SIGLEC14: variants seen among roughly 807,000 people sequenced by gnomAD.
SIGLEC14 encodes sialic acid-binding Ig-like lectin 14.
Under a neutral mutation model 34.2 loss-of-function variants are expected in SIGLEC14, and 11 were observed. That is an observed-to-expected ratio of 0.32 (90% CI 0.20 to 0.53). The LOEUF is 0.53. SIGLEC14 is among the 20% of genes least tolerant of loss of function. The pLI, the probability that SIGLEC14 is intolerant of heterozygous loss-of-function variation, is 0.95. For synonymous variants in SIGLEC14, 99 were observed against 179.7 expected (o/e 0.55, Z 3.59); for missense variants, 264 against 439.0 (o/e 0.60, Z 3.56).
At position 51,640,155 on chromosome 19, in the gene SIGLEC14, G is replaced by A. The variant is rs187111684; in HGVS notation, c.*3200C>T. ...TTTATTATGAAGGAGTAAGCTCCTA[G>A]CAGAGTGAACTCACCACAACACAAC... On this transcript the variant is annotated 3_prime_UTR_variant, in exon 7 of 7. Coordinates refer to ENST00000360844, the MANE Select transcript of SIGLEC14 (RefSeq NM_001098612.3). Among the ~76,000 whole-genome samples the A allele has an allele frequency of 7.2e-6, 1 of 139,446 alleles. No individual in the cohort carries two copies. The highest frequency in any genetic ancestry group is 2.7e-5 in the African/African-American group (1 of 36,772). The allele number at this position is 139,446 out of a possible 152,430, so 91.5% of individuals were successfully genotyped here. A position where few individuals can be genotyped will look rare whatever the true frequency, so the allele number is the denominator to read the frequency against.
At chr19:51,645,056 A>C (rs1984002208) in intron 4 of SIGLEC14, among the ~76,000 whole-genome samples, 1 of 138,042 alleles carries the variant, frequency 7.2e-6, no homozygotes, top group Admixed American at 7.0e-5. Context: ...GAGACAGAAA[A>C]GTAGAATGGT....
At chr19:51,643,483 G>GGGGGGGCCCCCCCCCC in intron 6 of SIGLEC14, 54 bp downstream of exon 6, 2 of 1,297,882 alleles carry the variant, frequency 1.5e-6, no homozygotes, top group Non-Finnish European at 2.0e-6. Flanking sequence ...GGGCAGGACA[G>GGGGGGGCCCCCCCCCC]CTCAGCCCCA....
Position 51,640,017 on chromosome 19 carries a change from C to T in SIGLEC14, c.*3338G>A, listed in dbSNP as rs544991351. 1 of 139,372 alleles carries T rather than the reference C, an allele frequency of 7.2e-6. No homozygotes were observed. The highest frequency in any genetic ancestry group is 6.9e-5 in the Admixed American group (1 of 14,454). 8.6% of individuals were successfully genotyped at this position (139,372 alleles called of 1,614,324 possible). On this transcript the variant is annotated 3_prime_UTR_variant, in exon 7 of 7. Transcript: ENST00000360844. ...GATGACTGAATTGTCATGAGAAACTCACCCGCCCTCCAAAGTGGAATGACA... is the reference window on the plus strand; with the variant it reads ...GATGACTGAATTGTCATGAGAAACTTACCCGCCCTCCAAAGTGGAATGACA...
At position 51,643,264 on chromosome 19, in the gene SIGLEC14, G is replaced by A; in HGVS notation, c.*91C>T. On this transcript the variant is annotated 3_prime_UTR_variant, in exon 7 of 7. Coordinates refer to ENST00000360844, the MANE Select transcript of SIGLEC14 (RefSeq NM_001098612.3). The stretch of plus-strand genomic sequence containing the variant: ...AAAAGAGGGGTAGTCAGTGGGATGT[G>A]AGCTTCCAGAAAGAAGCTGACAGTG... The A allele has an allele frequency of 8.2e-7, 1 of 1,226,948 alleles. No homozygotes were observed. The highest frequency in any genetic ancestry group is 1.1e-6 in the Non-Finnish European group (1 of 875,838). 76.0% of individuals were successfully genotyped at this position (1,226,948 alleles called of 1,614,324 possible). A position where few individuals can be genotyped will look rare whatever the true frequency, so the allele number is the denominator to read the frequency against.
chr19:51,643,882 G>A lies in SIGLEC14; in HGVS notation c.909C>T (p.Thr303=). 1 of 1,533,810 alleles carries A rather than the reference G, an allele frequency of 6.5e-7. No individual in the cohort carries two copies. ...LNPSQTSMSG[T]LELPNIGARE... ...TAGCTCCTATGTTAGGCAGCTCCAG[G>A]GTCCCAGACATTGAGGTCTGGGAAG... The change falls in exon 5 of 7, where the codon ACC becomes ACT. Residue 303 remains threonine, a synonymous_variant. Coordinates refer to ENST00000360844, the MANE Select transcript of SIGLEC14 (RefSeq NM_001098612.3).
In SIGLEC14 at chr19:51,646,301, A is replaced by G. The variant is rs1356590092; in HGVS notation, c.377T>C (p.Val126Ala). ...CTTATTCTGTTGGTAGCTATATTTT[A>G]CATCCCTTCCTCTCTCCACGCGGAA... ...YFFRVERGRDVKYSYQQNKLN... is the reference protein window; with the variant it reads ...YFFRVERGRDAKYSYQQNKLN... Residue 126 changes from valine to alanine, a missense_variant, in exon 2 of 7, where the codon GTA becomes GCA. Physicochemically the swap from Val to Ala is moderately conservative, Grantham distance 64 (BLOSUM62 0). Coordinates refer to ENST00000360844, the MANE Select transcript of SIGLEC14 (RefSeq NM_001098612.3). The G allele has an allele frequency of 7.1e-7, 1 of 1,402,530 alleles. No homozygotes were observed. The highest frequency in any genetic ancestry group is 9.4e-7 in the Non-Finnish European group (1 of 1,060,196). 86.9% of individuals were successfully genotyped at this position (1,402,530 alleles called of 1,614,324 possible).
At position 51,645,833 on chromosome 19, in the gene SIGLEC14, G is replaced by A. The variant is rs1984026637; in HGVS notation, c.649C>T (p.Arg217Cys). ...HGTNLTCQVK[R>C]QGAQVTTERT... ...TCCGTGGTCACCTGAGCTCCTTGGC[G>A]TTTCACCTGACAGGTGAGGTTGGTG... Residue 217 changes from arginine (R) to cysteine (C), a missense_variant, in exon 3 of 7, where the codon CGC (arginine) becomes TGC (cysteine). By Grantham distance (180) the Arg-to-Cys change is radical. This residue lies in a region of SIGLEC14 where 45 missense variants were observed against 96.7 expected (regional missense o/e 0.47). Coordinates refer to ENST00000360844, the MANE Select transcript of SIGLEC14 (RefSeq NM_001098612.3). 3 of 1,529,734 alleles carry A rather than the reference G, an allele frequency of 2.0e-6. No homozygotes were observed. The highest frequency in any genetic ancestry group is 2.6e-6 in the Non-Finnish European group (3 of 1,140,604). 94.8% of individuals were successfully genotyped at this position (1,529,734 alleles called of 1,614,324 possible).
intron 6 of SIGLEC14, 61 bp from the exon 7 acceptor site, chr19:51,643,458 G>T (rs1983954483): frequency 7.2e-7 from 1 of 1,387,326 alleles, no homozygotes; most frequent in Non-Finnish European, 9.4e-7. Context: ...TTCCAGGTGG[G>T]GCTGAGCTGT....
At chr19:51,645,591 G>A in intron 3 of SIGLEC14, 61 bp from the exon 4 acceptor site, 1 of 1,486,382 alleles carries the variant, frequency 6.7e-7, no homozygotes. Context: ...CGTGGTCCCG[G>A]GAGGGACCCA....
rs1983967282 is a variant in SIGLEC14 at position 51,643,853 on chromosome 19, T to A, written c.938A>T (p.Glu313Val). Residue 313 changes from glutamate to valine, a missense_variant, in exon 5 of 7, where the codon GAG (glutamate) becomes GTG (valine). Physicochemically the swap from Glu to Val is moderately radical, Grantham distance 121. Coordinates refer to ENST00000360844, the MANE Select transcript of SIGLEC14 (RefSeq NM_001098612.3). ...AACCCGGCAGGTGAATTCCCCTCCC[T>A]CTCTAGCTCCTATGTTAGGCAGCTC... ...TLELPNIGAR[E>V]GGEFTCRVQH... 1.3e-6 allele frequency: 2 copies of A among 1,532,306 alleles called. No homozygotes were observed. The highest frequency in any genetic ancestry group is 1.2e-5 in the South Asian group (1 of 83,204). The allele number at this position is 1,532,306 out of a possible 1,614,324, so 94.9% of individuals were successfully genotyped here.
rs1983882253 is a variant in SIGLEC14, at chr19:51,640,377, T to C, written c.*2978A>G. On this transcript the variant is annotated 3_prime_UTR_variant, in exon 7 of 7. Transcript: ENST00000360844. The stretch of plus-strand genomic sequence containing the variant: ...CAGAAAGTGGCTGCTAAAATTCTAA[T>C]ACAACTCCTTCCATCTTTCTGGACT... 7.2e-6 allele frequency among the ~76,000 whole-genome samples: 1 copy of C among 138,954 alleles called. No individual in the cohort carries two copies. Among genetic ancestry groups the C allele is most frequent in the Non-Finnish European group, 1.5e-5 (1 of 64,928 alleles). 91.2% of individuals were successfully genotyped at this position (138,954 alleles called of 152,430 possible).
At position 51,646,046 on chromosome 19, in the gene SIGLEC14, G is replaced by A. The variant is rs772357570; in HGVS notation, c.436C>T (p.Pro146Ser). 1 of 1,186,638 alleles carries A rather than the reference G, an allele frequency of 8.4e-7. No homozygotes were observed. The highest frequency in any genetic ancestry group is 2.0e-5 in the African/African-American group (1 of 48,982). The allele number at this position is 1,186,638 out of a possible 1,614,324, so 73.5% of individuals were successfully genotyped here. Reference sequence around the variant, plus strand: ...AGAGGCTCCAGAAAGTGGATGTCGGGTTTCTCTATCAGGGCTGAGGAGGAG... The same window carrying A: ...AGAGGCTCCAGAAAGTGGATGTCGGATTTCTCTATCAGGGCTGAGGAGGAG... ...NLEVTALIEK[P>S]DIHFLEPLES... Residue 146 changes from proline (P) to serine (S), a missense_variant, in exon 3 of 7, where the codon CCC (proline) becomes TCC (serine). This residue lies in a region of SIGLEC14 where 9 missense variants were observed against 60.9 expected (regional missense o/e 0.15). Transcript: ENST00000360844.
At position 51,645,483 on chromosome 19, in the gene SIGLEC14, C is replaced by T. The variant is rs777012107; in HGVS notation, c.748G>A (p.Gly250Ser). ...AISIFFRNGT[G>S]TALRILSNGM... Reference sequence around the variant, plus strand: ...GGAAGAGGGTCTTTCCTACCTGTGCCTGTGCCATTTCTGAAGAAGATGCTG... The same window carrying T: ...GGAAGAGGGTCTTTCCTACCTGTGCTTGTGCCATTTCTGAAGAAGATGCTG... Residue 250 changes from glycine (G) to serine (S), a missense_variant, in exon 4 of 7, where the codon GGC becomes AGC. Coordinates refer to ENST00000360844, the MANE Select transcript of SIGLEC14 (RefSeq NM_001098612.3). 2.0e-6 allele frequency: 3 copies of T among 1,531,044 alleles called. No individual in the cohort carries two copies. The highest frequency in any genetic ancestry group is 1.7e-5 in the Admixed American group (1 of 57,906). 94.8% of individuals were successfully genotyped at this position (1,531,044 alleles called of 1,614,324 possible).
Position 51,641,296 on chromosome 19 carries a change from T to C in SIGLEC14, c.*2059A>G, listed in dbSNP as rs1983900276. 7.2e-6 allele frequency among the ~76,000 whole-genome samples: 1 copy of C among 139,138 alleles called. No homozygotes were observed. Among genetic ancestry groups the C allele is most frequent in the African/African-American group, 2.7e-5 (1 of 36,638 alleles). 91.3% of individuals were successfully genotyped at this position (139,138 alleles called of 152,430 possible). A position where few individuals can be genotyped will look rare whatever the true frequency, so the allele number is the denominator to read the frequency against. On this transcript the variant is annotated 3_prime_UTR_variant, in exon 7 of 7. Transcript: ENST00000360844. ...TGGAGCATTCACCAAGATAGACCAG[T>C]GTCATCAAGCAAACTTAACCAATAT... is the stretch of plus-strand genomic sequence containing the variant.
rs200742621 is a variant in SIGLEC14, at chr19:51,643,820, G to A, written c.971C>T (p.Pro324Leu). ...GGEFTCRVQH[P>L]LGSQHLSFIL... ...GAAGGACAGGTGCTGGGAGCCCAGC[G>A]GATGCTGAACCCGGCAGGTGAATTC... The change falls in exon 5 of 7, where the codon CCG becomes CTG. Residue 324 changes from proline (P) to leucine (L), a missense_variant. Pro to Leu is a moderately conservative substitution (Grantham distance 98, BLOSUM62 -3). Transcript: ENST00000360844. 22 of 1,528,642 alleles carry A rather than the reference G, an allele frequency of 1.4e-5. 6 individuals carry two copies. Among genetic ancestry groups the A allele is most frequent in the South Asian group, 1.1e-4 (9 of 82,728 alleles). The allele number at this position is 1,528,642 out of a possible 1,614,324, so 94.7% of individuals were successfully genotyped here. A position where few individuals can be genotyped will look rare whatever the true frequency, so the allele number is the denominator to read the frequency against.
In SIGLEC14 at chr19:51,645,784, G is replaced by C; in HGVS notation, c.698C>G (p.Ser233Cys). The C allele has an allele frequency of 6.5e-7, 1 of 1,526,986 alleles. No homozygotes were observed. Among genetic ancestry groups the C allele is most frequent in the Admixed American group, 1.7e-5 (1 of 57,498 alleles). The allele number at this position is 1,526,986 out of a possible 1,614,324, so 94.6% of individuals were successfully genotyped here. Residue 233 changes from serine (S) to cysteine (C), a missense_variant and splice_region_variant, in exon 3 of 7, where the codon TCC becomes TGC. Around this residue, in one of 5 missense-constraint regions of SIGLEC14, gnomAD observed 45 missense variants for 96.7 expected, o/e 0.47. Coordinates refer to ENST00000360844, the MANE Select transcript of SIGLEC14 (RefSeq NM_001098612.3). ...TTERTVQLNV[S>C]YAPQNLAISI... ...GCTGTGTCCCCAGCACCACTCACAG[G>C]AGACATTGAGCTGGACAGTTCTCTC...
At position 51,643,674 on chromosome 19, in the gene SIGLEC14, T is replaced by C. The variant is rs1983961866; in HGVS notation, c.1013-2A>G. 1 of 1,531,622 alleles carries C rather than the reference T, an allele frequency of 6.5e-7. No homozygotes were observed. Among genetic ancestry groups the C allele is most frequent in the African/African-American group, 1.5e-5 (1 of 66,858 alleles). The allele number at this position is 1,531,622 out of a possible 1,614,324, so 94.9% of individuals were successfully genotyped here. A position where few individuals can be genotyped will look rare whatever the true frequency, so the allele number is the denominator to read the frequency against. On this transcript the variant is annotated splice_acceptor_variant, in intron 5 of 6. Transcript: ENST00000360844. LOFTEE classifies it high-confidence loss of function. ...CACATATGCAGGAAGAGGAGCTTCC[T>C]GGGAGAAAGGAGAAGGTAAGGTGCT...
chr19:51,646,210 C>T lies in SIGLEC14; in HGVS notation c.421+47G>A, dbSNP rs1474841683. Reference sequence around the variant, plus strand: ...CCCAACTCCTGTCCCTGTTCTCATACGGGGGTCTCCACGTCCCAGGGTCCT... The same window carrying T: ...CCCAACTCCTGTCCCTGTTCTCATATGGGGGTCTCCACGTCCCAGGGTCCT... On this transcript the variant is annotated intron_variant, in intron 2 of 6. Coordinates refer to ENST00000360844, the MANE Select transcript of SIGLEC14 (RefSeq NM_001098612.3). The T allele has an allele frequency of 9.2e-6, 13 of 1,420,476 alleles. 1 individual carries two copies. The highest frequency in any genetic ancestry group is 1.9e-5 in the Admixed American group (1 of 53,616). The allele number at this position is 1,420,476 out of a possible 1,614,324, so 88.0% of individuals were successfully genotyped here.
intron 2 of SIGLEC14, 40 bp downstream of exon 2, chr19:51,646,217 C>T: frequency 7.0e-7 from 1 of 1,423,700 alleles, no homozygotes; most frequent in Non-Finnish European, 9.3e-7. Flanking sequence ...ATACGGGGGT[C>T]TCCACGTCCC....
Sources: gnomAD v4.1 joint callset for allele counts (sites outside exome capture counted in the v4.1 genomes callset) on GRCh38, gnomAD v4.1.1 for gene constraint, gnomAD v4.1.1 regional missense constraint, MANE v1.5 for transcripts, NCBI Gene and HGNC (gene_info 2026-07-23, HGNC 2026-07-21) for gene names.